Variants in WDR3 observed in about 807,000 individuals in gnomAD.
WDR3 encodes the protein WD repeat-containing protein 3.
In WDR3, 81 loss-of-function variants were observed where a neutral mutation model predicts 123.7. The ratio of observed to expected loss-of-function variants is 0.65; its 90% CI spans 0.55 to 0.79. The LOEUF (loss-of-function observed/expected upper bound fraction) is 0.79, where lower values mean the gene tolerates loss of function less well. WDR3 is among the 30% of genes least tolerant of loss of function. The pLI, the probability that WDR3 is intolerant of heterozygous loss-of-function variation, is 0.00. For missense variants in WDR3, 1,027 were observed against 1,123.2 expected (o/e 0.91, Z 1.22); for synonymous variants, 390 against 388.8 (o/e 1.00, Z -0.04).
In WDR3 at chr1:117,950,055, C is replaced by T. The variant is rs777438460; in HGVS notation, c.1671C>T (p.Tyr557=). The T allele has an allele frequency of 2.5e-6, 4 of 1,613,838 alleles. No individual in the cohort carries two copies. Among genetic ancestry groups the T allele is most frequent in the South Asian group, 2.2e-5 (2 of 91,070 alleles). Residue 557 remains tyrosine (Y), a synonymous_variant, in exon 15 of 27, where the codon TAC becomes TAT. Transcript: ENST00000349139. ...ATGAAGATGTTCTGTGTGTCAGTTA[C>T]TCTCCCAATCAAAAGCTATTGGCTG... is the stretch of plus-strand genomic sequence containing the variant. The part of the protein sequence containing the change: ...QLDEDVLCVS[Y]SPNQKLLAVS...
rs546800549 is a variant in WDR3, at chr1:117,943,166, T to A, written c.1098-230T>A. ...TGGTGTTTCGCCATGTTGGCCAGGC[T>A]GGTCTCAAACTCCTGACCTCAAGTG... On this transcript the variant is annotated intron_variant, in intron 10 of 26. Coordinates refer to ENST00000349139, the MANE Select transcript of WDR3 (RefSeq NM_006784.3). Among the ~76,000 whole-genome samples the A allele has an allele frequency of 7.2e-5, 11 of 152,258 alleles. No individual in the cohort carries two copies. In the South Asian group the frequency reaches 2.3e-3, roughly 32 times the overall value.
Position 117,943,608 on chromosome 1 carries a change from C to G in WDR3, c.1310C>G (p.Ser437Cys). 6.2e-7 allele frequency: 1 copy of G among 1,613,966 alleles called. No homozygotes were observed. The highest frequency in any genetic ancestry group is 1.1e-5 in the South Asian group (1 of 91,048). Reference sequence around the variant, plus strand: ...GCTGTTCTTTCAGCTGCAGCTGATTCCATTAAAATATGGAACAGGTTCGTG... The same window carrying G: ...GCTGTTCTTTCAGCTGCAGCTGATTGCATTAAAATATGGAACAGGTTCGTG... ...NIAVLSAAAD[S>C]IKIWNRSTLQ... The change falls in exon 11 of 27, where the codon TCC becomes TGC. Residue 437 changes from serine (S) to cysteine (C), a missense_variant. By Grantham distance (112) the Ser-to-Cys change is moderately radical. Coordinates refer to ENST00000349139, the MANE Select transcript of WDR3 (RefSeq NM_006784.3).
chr1:117,941,672 G>T, intron 8 of WDR3, 78 bp from the exon 9 acceptor site: 1 of 1,512,602 alleles, frequency 6.6e-7, no homozygotes, highest in Non-Finnish European at 8.9e-7. Flanking sequence ...AATAAATATT[G>T]TTGTTTACTT....
Position 117,952,928 on chromosome 1 carries a change from A to G in WDR3, c.2152-18A>G, listed in dbSNP as rs781138797. ...ATGTTTTTTTCTCTCAAATTAATGT[A>G]TATCTATCTCATGGCAGGAAAGAGA... On this transcript the variant is annotated intron_variant, in intron 19 of 26. Coordinates refer to ENST00000349139, the MANE Select transcript of WDR3 (RefSeq NM_006784.3). The G allele has an allele frequency of 1.4e-5, 23 of 1,612,522 alleles. No homozygotes were observed. Among genetic ancestry groups the G allele is most frequent in the East Asian group, 2.2e-5 (1 of 44,848 alleles).
chr1:117,934,782 T>C, intron 3 of WDR3, 100 bp downstream of exon 3: 1 of 1,185,526 alleles, frequency 8.4e-7, no homozygotes, highest in Non-Finnish European at 1.2e-6. Context: ...AACAATGGGC[T>C]GTCAATATAC....
intron 2 of WDR3, among the ~76,000 whole-genome samples, chr1:117,934,112 G>A (rs975447081): frequency 1.3e-5 from 2 of 152,250 alleles, no homozygotes; most frequent in East Asian, 3.9e-4. Context: ...CTTATAAAAT[G>A]GGTCTCAGTT....
chr1:117,934,849 TTTCCTTTTG>T (rs1650858903), intron 3 of WDR3, among the ~76,000 whole-genome samples, 167 bp downstream of exon 3: 1 of 152,270 alleles, frequency 6.6e-6, no homozygotes, highest in South Asian at 2.1e-4. Context: ...GTTCATTTTG[TTTCCTTTTG>T]TTCATTTTGT....
intron 2 of WDR3, 197 bp downstream of exon 2, chr1:117,933,687 C>A: frequency 1.5e-6 from 1 of 677,274 alleles, no homozygotes. Context: ...TTCTGAAAAC[C>A]ACAATGAAAT....
chr1:117,962,019 A>G lies in WDR3; in HGVS notation c.*2572A>G. 6.6e-6 allele frequency: 1 copy of G among 151,712 alleles called. No homozygotes were observed. The highest frequency in any genetic ancestry group is 1.9e-4 in the East Asian group (1 of 5,188). 9.4% of individuals were successfully genotyped at this position (151,712 alleles called of 1,614,324 possible). A position where few individuals can be genotyped will look rare whatever the true frequency, so the allele number is the denominator to read the frequency against. ...TAGTAACATTTTTGATGGTTTCCAA[A>G]CCAAAACAAGTTCCAGGAGGGCATT... On this transcript the variant is annotated 3_prime_UTR_variant, in exon 27 of 27. Coordinates refer to ENST00000349139, the MANE Select transcript of WDR3 (RefSeq NM_006784.3).
intron 9 of WDR3, 141 bp from the exon 10 acceptor site, chr1:117,942,296 A>G: frequency 1.5e-6 from 1 of 685,842 alleles, no homozygotes; most frequent in South Asian, 1.7e-5. Flanking sequence ...TTGTTTAATT[A>G]TCATGGTAAT....
chr1:117,953,918 G>T, intron 21 of WDR3, 89 bp from the exon 22 acceptor site: 1 of 1,076,366 alleles, frequency 9.3e-7, no homozygotes, highest in Non-Finnish European at 1.4e-6. Context: ...TATTTCATTT[G>T]GCAAATTTCT....
At position 117,960,810 on chromosome 1, in the gene WDR3, A is replaced by G. The variant is rs1203046506; in HGVS notation, c.*1363A>G. ...GTGAATTGCACCATGTATGATCTGT[A>G]TTTGTGTGTGTTAATGTTGATAATA... On this transcript the variant is annotated 3_prime_UTR_variant, in exon 27 of 27. Transcript: ENST00000349139. 1 of 152,202 alleles carries G rather than the reference A, an allele frequency of 6.6e-6. No individual in the cohort carries two copies. Among genetic ancestry groups the G allele is most frequent in the Non-Finnish European group, 1.5e-5 (1 of 68,034 alleles). 9.4% of individuals were successfully genotyped at this position (152,202 alleles called of 1,614,324 possible). A position where few individuals can be genotyped will look rare whatever the true frequency, so the allele number is the denominator to read the frequency against.
chr1:117,935,940 C>CT, intron 3 of WDR3, among the ~76,000 whole-genome samples: 1 of 151,622 alleles, frequency 6.6e-6, no homozygotes, highest in African/African-American at 2.4e-5. Context: ...AGATGACACT[C>CT]TAAGAATGAT....
intron 25 of WDR3, 143 bp downstream of exon 25, chr1:117,957,339 G>T: frequency 1.9e-6 from 2 of 1,058,288 alleles, no homozygotes; most frequent in Non-Finnish European, 2.6e-6. Context: ...CACTTTGGGA[G>T]GCTGAGGTGG....
In WDR3 at chr1:117,940,540, C is replaced by G. The variant is rs1252364799; in HGVS notation, c.676-287C>G. Among the ~76,000 whole-genome samples the G allele has an allele frequency of 3.3e-5, 5 of 152,016 alleles. No homozygotes were observed. The East Asian group carries it at 9.6e-4, about 29-fold the overall frequency. On this transcript the variant is annotated intron_variant, in intron 6 of 26. Transcript: ENST00000349139. ...CACACACGTTTGAGGCCAGCCTGGGCAATATGGCAAGAACCTGTCTCTACA... is the reference window on the plus strand; with the variant it reads ...CACACACGTTTGAGGCCAGCCTGGGGAATATGGCAAGAACCTGTCTCTACA...
chr1:117,944,741 G>T (rs113623654), intron 11 of WDR3, among the ~76,000 whole-genome samples: 2 of 151,960 alleles, frequency 1.3e-5, no homozygotes, highest in Non-Finnish European at 2.9e-5. Context: ...TCGCTCTGTC[G>T]CCCAGGCTGG....
At chr1:117,944,916 C>T (rs1334587612) in intron 11 of WDR3, among the ~76,000 whole-genome samples, 1 of 152,082 alleles carries the variant, frequency 6.6e-6, no homozygotes, top group Non-Finnish European at 1.5e-5. Context: ...TGGCCTCAAA[C>T]TCCTGACCTC....
intron 15 of WDR3, 71 bp from the exon 16 acceptor site, chr1:117,950,763 T>G (rs1651580118): frequency 7.0e-6 from 9 of 1,291,440 alleles, no homozygotes; most frequent in Non-Finnish European, 9.9e-6. Flanking sequence ...AAGTTATATT[T>G]TAGACCTACA....
chr1:117,936,107 A>G (rs1012374525), intron 3 of WDR3, among the ~76,000 whole-genome samples: 1 of 152,070 alleles, frequency 6.6e-6, no homozygotes, highest in Non-Finnish European at 1.5e-5. Flanking sequence ...TATTTGTAGT[A>G]GTTTTTGAGA....
Sources: allele counts gnomAD v4.1 joint callset (sites outside exome capture counted in the v4.1 genomes callset), GRCh38; gene constraint gnomAD v4.1.1; transcripts MANE v1.5; gene names NCBI Gene and HGNC (gene_info 2026-07-23, HGNC 2026-07-21).